Variants in RBMS3 observed in about 807,000 individuals in gnomAD.
RBMS3 encodes the protein RNA binding motif single stranded interacting protein 3.
In RBMS3, 27 loss-of-function variants were observed where a neutral mutation model predicts 66.8. That is an observed-to-expected ratio of 0.40 (90% confidence interval 0.30 to 0.56). RBMS3 has a LOEUF of 0.56. Among genes scored for constraint, RBMS3 ranks in the 20% least tolerant of loss-of-function variants. The probability of loss-of-function intolerance (pLI) is 0.40; values close to 1 mark genes in which losing one functional copy is unlikely to be tolerated. For synonymous variants in RBMS3, 188 were observed against 183.0 expected (o/e 1.03, Z -0.22); for missense variants, 513 against 549.5 (o/e 0.93, Z 0.66).
At chr3:29,599,274 G>A (rs954866552) in intron 4 of RBMS3, among the ~76,000 whole-genome samples, 11 of 151,230 alleles carry the variant, frequency 7.3e-5, no homozygotes, top group East Asian at 5.8e-4. Context: ...AACTTGAAGC[G>A]TAAATGCTTG....
chr3:29,469,901 G>T (rs889401911), intron 2 of RBMS3, among the ~76,000 whole-genome samples: 2 of 148,360 alleles, frequency 1.3e-5, no homozygotes, highest in African/African-American at 4.9e-5. Context: ...TTTATAAAAA[G>T]CCTTTCACAT....
chr3:29,446,928 TTTGGAGACAGAGTATCACTC>T (rs2041853438), intron 2 of RBMS3, among the ~76,000 whole-genome samples: 1 of 148,148 alleles, frequency 6.8e-6, no homozygotes, highest in African/African-American at 2.5e-5. Flanking sequence ...TTTTTTTTTT[TTTGGAGACAGAGTATCACTC>T]TTGTTGCCCA....
chr3:29,986,820 G>T (rs1303877409), intron 12 of RBMS3, among the ~76,000 whole-genome samples: 2 of 152,136 alleles, frequency 1.3e-5, no homozygotes, highest in Admixed American at 1.3e-4. Context: ...GCACACACCT[G>T]TACTCTCAGC....
intron 6 of RBMS3, among the ~76,000 whole-genome samples, chr3:29,839,553 T>C (rs2058612563): frequency 6.6e-6 from 1 of 151,822 alleles, no homozygotes. Flanking sequence ...AGAACTGGAA[T>C]TTGATTATCA....
At chr3:29,625,711 A>C (rs2049037747) in intron 4 of RBMS3, among the ~76,000 whole-genome samples, 1 of 147,180 alleles carries the variant, frequency 6.8e-6, no homozygotes, top group African/African-American at 2.6e-5. Flanking sequence ...TAAATAAATA[A>C]ATAAATAAAT....
intron 9 of RBMS3, 81 bp downstream of exon 9, chr3:29,897,556 A>C (rs1484130602): frequency 7.6e-7 from 1 of 1,309,718 alleles, no homozygotes; most frequent in African/African-American, 1.5e-5. Flanking sequence ...ACACAGTAGA[A>C]TGAAAAGAAA....
At chr3:29,736,503 T>C (rs555545140) in intron 4 of RBMS3, among the ~76,000 whole-genome samples, 31 of 152,336 alleles carry the variant, frequency 2.0e-4, no homozygotes, top group Non-Finnish European at 4.0e-4. Flanking sequence ...CTAAGGTCTG[T>C]ACAGTACCCT....
intron 4 of RBMS3, among the ~76,000 whole-genome samples, chr3:29,735,146 A>G (rs2054322127): frequency 1.3e-5 from 2 of 152,144 alleles, no homozygotes; most frequent in African/African-American, 2.4e-5. Flanking sequence ...TAGATAGGGC[A>G]GTGTTTTCTT....
chr3:29,435,614 C>A (rs1043421405), intron 2 of RBMS3, among the ~76,000 whole-genome samples: 3 of 152,184 alleles, frequency 2.0e-5, no homozygotes, highest in African/African-American at 7.2e-5. Context: ...TATTTAAGTT[C>A]ACCTTCCCAT....
chr3:29,681,670 C>A (rs1046270247), intron 4 of RBMS3, among the ~76,000 whole-genome samples: 4 of 152,162 alleles, frequency 2.6e-5, no homozygotes, highest in African/African-American at 9.7e-5. Flanking sequence ...CATGTCCCTG[C>A]AAAGGACATG....
At chr3:29,985,414 AG>A (rs1479907335) in intron 12 of RBMS3, among the ~76,000 whole-genome samples, 1 of 151,722 alleles carries the variant, frequency 6.6e-6, no homozygotes, top group African/African-American at 2.4e-5. Flanking sequence ...GAAAAAAAAA[AG>A]CTGCATCTAG....
chr3:29,296,913 T>A (rs967742734), intron 1 of RBMS3, among the ~76,000 whole-genome samples: 4 of 150,272 alleles, frequency 2.7e-5, no homozygotes, highest in African/African-American at 9.7e-5. Flanking sequence ...CAAATTAGCA[T>A]TTTTTTTTAA....
At chr3:29,639,274 G>A (rs9833553) in intron 4 of RBMS3, among the ~76,000 whole-genome samples, 11,906 of 151,792 alleles carry the variant, frequency 0.078, 825 homozygotes, top group East Asian at 0.35. Context: ...AGGGAAAGGA[G>A]ATGATCATAT....
Position 29,866,077 on chromosome 3 carries a change from T to TAAAAAAAAAAAAAAAA in RBMS3, c.638-2774_638-2759dup, listed in dbSNP as rs35591949. Among the ~76,000 whole-genome samples, 37 of 105,570 alleles carry TAAAAAAAAAAAAAAAA rather than the reference T, an allele frequency of 3.5e-4. 1 individual carries two copies. The highest frequency in any genetic ancestry group is 1.2e-3 in the African/African-American group (30 of 25,886). The allele number at this position is 105,570 out of a possible 152,430, so 69.3% of individuals were successfully genotyped here. On this transcript the variant is annotated intron_variant, in intron 6 of 14. Coordinates refer to ENST00000383767, the MANE Select transcript of RBMS3 (RefSeq NM_001003793.3). ...TTAGTCTATTATTAACACCAAATAC[T>TAAAAAAAAAAAAAAAA]AAAAAAAAAAAAAAAAAAAAAATTC...
chr3:29,490,977 G>A (rs574821829), intron 3 of RBMS3, among the ~76,000 whole-genome samples: 6 of 152,214 alleles, frequency 3.9e-5, no homozygotes, highest in African/African-American at 1.4e-4. Context: ...TAACCGGAGC[G>A]GTCAATATGA....
At chr3:29,962,138 C>CT (rs34177741) in intron 12 of RBMS3, among the ~76,000 whole-genome samples, 3 of 148,134 alleles carry the variant, frequency 2.0e-5, no homozygotes, top group Admixed American at 6.8e-5. Context: ...TTTTGCATGA[C>CT]TTTTTTTGAA....
intron 3 of RBMS3, among the ~76,000 whole-genome samples, chr3:29,501,972 GCC>G: frequency 6.6e-6 from 1 of 152,080 alleles, no homozygotes; most frequent in Middle Eastern, 3.2e-3. Context: ...CTGCAGCTCA[GCC>G]CCATGAGCAT....
At chr3:29,600,092 G>A (rs1668679920) in intron 4 of RBMS3, among the ~76,000 whole-genome samples, 2 of 152,030 alleles carry the variant, frequency 1.3e-5, no homozygotes, top group South Asian at 4.1e-4. Flanking sequence ...TTTTGATAAA[G>A]TTACGAATTG....
chr3:29,329,737 T>C (rs888285154), intron 1 of RBMS3, among the ~76,000 whole-genome samples: 4 of 151,408 alleles, frequency 2.6e-5, no homozygotes, highest in African/African-American at 9.7e-5. Context: ...AGTGGTAAAC[T>C]GGTCTTTTAC....
Sources: gnomAD v4.1 joint callset for allele counts (sites outside exome capture counted in the v4.1 genomes callset) on GRCh38, gnomAD v4.1.1 for gene constraint, MANE v1.5 for transcripts, NCBI Gene and HGNC (gene_info 2026-07-23, HGNC 2026-07-21) for gene names.